Variants in FBP1 observed in about 807,000 individuals in gnomAD.
The protein encoded by FBP1 is fructose-1,6-bisphosphatase 1.
Under a neutral mutation model 29.9 loss-of-function variants are expected in FBP1, and 22 were observed. The observed-to-expected ratio is 0.74, with a 90% CI of 0.53 to 1.05. The LOEUF (loss-of-function observed/expected upper bound fraction) is 1.05. Ranked by LOEUF, FBP1 falls within the 50% of genes least tolerant of loss-of-function variation. The pLI, the probability that FBP1 is intolerant of heterozygous loss-of-function variation, is 0.00. For missense variants in FBP1, 345 were observed against 448.2 expected, an observed-to-expected ratio of 0.77 and a Z score of 2.08; for synonymous variants, 175 against 178.6, an observed-to-expected ratio of 0.98 and a Z score of 0.16.
In FBP1 at chr9:94,620,374, C is replaced by A. The variant is rs748356619; in HGVS notation, c.288G>T (p.Val96=). 6.3e-5 allele frequency: 101 copies of A among 1,614,098 alleles called. No homozygotes were observed. The highest frequency in any genetic ancestry group is 8.2e-5 in the Non-Finnish European group (97 of 1,180,052). ...TGATGGCGTGTTTATCTTCTTCTGA[C>A]ACGAGAACACACGTGGCAAAGGATG... The part of the protein sequence containing the change: ...LKSSFATCVL[V]SEEDKHAIIV... The change falls in exon 2 of 7, where the codon GTG becomes GTT. Residue 96 remains valine (V), a synonymous_variant. Coordinates refer to ENST00000375326, the MANE Select transcript of FBP1 (RefSeq NM_000507.4).
At chr9:94,634,517 A>G (rs1828162362) in intron 1 of FBP1, among the ~76,000 whole-genome samples, 1 of 152,212 alleles carries the variant, frequency 6.6e-6, no homozygotes, top group African/African-American at 2.4e-5. Flanking sequence ...ACTCCACAAA[A>G]CAAAAAACCT....
intron 3 of FBP1, among the ~76,000 whole-genome samples, chr9:94,615,669 T>C (rs1827851552): frequency 6.6e-6 from 1 of 152,220 alleles, no homozygotes; most frequent in Non-Finnish European, 1.5e-5. Context: ...GATTGTGATG[T>C]GGATCTGCCT....
intron 1 of FBP1, among the ~76,000 whole-genome samples, chr9:94,621,296 T>C (rs1212917970): frequency 1.3e-5 from 2 of 149,920 alleles, no homozygotes; most frequent in Non-Finnish European, 3.0e-5. Context: ...TTCAGGATGC[T>C]GAGGCAGGAG....
chr9:94,636,330 T>C (rs1828189685), intron 1 of FBP1, among the ~76,000 whole-genome samples: 1 of 151,816 alleles, frequency 6.6e-6, no homozygotes, highest in Non-Finnish European at 1.5e-5. Flanking sequence ...AACACAAAAA[T>C]TATCCGGCAT....
chr9:94,622,230 C>CTGGG (rs1202511914), intron 1 of FBP1, among the ~76,000 whole-genome samples: 1 of 152,236 alleles, frequency 6.6e-6, no homozygotes, highest in Non-Finnish European at 1.5e-5. Context: ...TTGTCATAGC[C>CTGGG]TGGGGTTGCC....
intron 1 of FBP1, among the ~76,000 whole-genome samples, chr9:94,635,815 C>T (rs2131505347): frequency 1.3e-5 from 2 of 152,286 alleles, no homozygotes; most frequent in Middle Eastern, 3.4e-3. Flanking sequence ...AGAAAAACTT[C>T]AATACCTCAT....
At chr9:94,627,188 C>CA (rs764985242) in intron 1 of FBP1, among the ~76,000 whole-genome samples, 1,630 of 112,690 alleles carry the variant, frequency 0.014, 33 homozygotes, top group African/African-American at 0.043. Flanking sequence ...AACTCCATCT[C>CA]AAAAAAAAAA....
Position 94,620,467 on chromosome 9 carries a change from G to A in FBP1, c.195C>T (p.Asn65=), listed in dbSNP as rs146859261. 6.3e-5 allele frequency: 102 copies of A among 1,614,104 alleles called. No individual in the cohort carries two copies. Among genetic ancestry groups the A allele is most frequent in the Non-Finnish European group, 7.9e-5 (93 of 1,180,006 alleles). Residue 65 remains asparagine, a synonymous_variant, in exon 2 of 7, where the codon AAC becomes AAT. Coordinates refer to ENST00000375326, the MANE Select transcript of FBP1 (RefSeq NM_000507.4). ...AHLYGIAGST[N]VTGDQVKKLD... ...GCTTCTTAACTTGATCACCTGTCAC[G>A]TTGGTAGAACCAGCAATGCCATAGC...
intron 1 of FBP1, among the ~76,000 whole-genome samples, 188 bp downstream of exon 1, chr9:94,638,953 A>G (rs1828239865): frequency 6.6e-6 from 1 of 152,120 alleles, no homozygotes; most frequent in Non-Finnish European, 1.5e-5. Flanking sequence ...GGAGATGAGG[A>G]CTTGAGTGAG....
intron 3 of FBP1, among the ~76,000 whole-genome samples, chr9:94,614,506 C>CTCCA (rs1346759098): frequency 1.3e-5 from 2 of 152,150 alleles, no homozygotes; most frequent in African/African-American, 4.8e-5. Flanking sequence ...CGCCACTGCA[C>CTCCA]TCCAGCCTGG....
intron 1 of FBP1, among the ~76,000 whole-genome samples, chr9:94,635,962 C>T (rs1319349075): frequency 1.3e-5 from 2 of 152,120 alleles, no homozygotes; most frequent in Non-Finnish European, 2.9e-5. Flanking sequence ...ATTTTGTCTG[C>T]TATTATAGGC....
intron 4 of FBP1, 56 bp from the exon 5 acceptor site, chr9:94,607,008 G>A: frequency 3.7e-6 from 6 of 1,611,230 alleles, no homozygotes; most frequent in Non-Finnish European, 4.2e-6. Context: ...GGTCCCCCAG[G>A]CCTGGATGAG....
At chr9:94,634,285 C>T (rs1828157779) in intron 1 of FBP1, among the ~76,000 whole-genome samples, 1 of 146,498 alleles carries the variant, frequency 6.8e-6, no homozygotes. Context: ...CAGAGCGAGA[C>T]TCTGCCTCAA....
chr9:94,638,234 G>A (rs1376077004), intron 1 of FBP1, among the ~76,000 whole-genome samples: 1 of 152,190 alleles, frequency 6.6e-6, no homozygotes, highest in Non-Finnish European at 1.5e-5. Context: ...ACAATGTGAT[G>A]AGTAGACAAA....
intron 3 of FBP1, among the ~76,000 whole-genome samples, chr9:94,611,006 G>A (rs1005241109): frequency 6.6e-6 from 1 of 152,070 alleles, no homozygotes; most frequent in African/African-American, 2.4e-5. Context: ...TGGGAGTACA[G>A]GCGCCTGCCA....
At chr9:94,633,168 C>T (rs1302837943) in intron 1 of FBP1, among the ~76,000 whole-genome samples, 1 of 152,156 alleles carries the variant, frequency 6.6e-6, no homozygotes, top group Non-Finnish European at 1.5e-5. Flanking sequence ...TTGCTAGGAC[C>T]AGCGATTTCA....
chr9:94,606,576 A>G (rs1396053454), intron 5 of FBP1, among the ~76,000 whole-genome samples: 1 of 152,238 alleles, frequency 6.6e-6, no homozygotes, highest in East Asian at 1.9e-4. Context: ...TACTGAGGTG[A>G]GAACTTCATC....
chr9:94,626,660 G>A (rs1344770446), intron 1 of FBP1, among the ~76,000 whole-genome samples: 1 of 152,156 alleles, frequency 6.6e-6, no homozygotes, highest in Admixed American at 6.5e-5. Flanking sequence ...GTGATTCTGA[G>A]AGAGGAAAAA....
chr9:94,615,022 C>T (rs1039807076), intron 3 of FBP1, among the ~76,000 whole-genome samples: 1 of 152,300 alleles, frequency 6.6e-6, no homozygotes, highest in African/African-American at 2.4e-5. Flanking sequence ...CATTCTCCTG[C>T]CTCAGCCTCC....
Sources: allele counts gnomAD v4.1 joint callset (sites outside exome capture counted in the v4.1 genomes callset), GRCh38; gene constraint gnomAD v4.1.1; transcripts MANE v1.5; gene names NCBI Gene and HGNC (gene_info 2026-07-23, HGNC 2026-07-21).